The following UNC79 variants were observed in gnomAD, a reference collection of about 807,000 sequenced individuals.
The protein encoded by UNC79 is unc-79 subunit of NALCN channel complex.
Under a neutral mutation model 283.1 loss-of-function variants are expected in UNC79, and 37 were observed. The ratio of observed to expected loss-of-function variants is 0.13; its 90% CI spans 0.10 to 0.17. UNC79 has a LOEUF of 0.17. UNC79 is among the 10% of genes least tolerant of loss of function. The probability of loss-of-function intolerance (pLI) is 1.00; values close to 1 mark genes in which losing one functional copy is unlikely to be tolerated. For synonymous variants in UNC79, 1,107 were observed against 1,200.2 expected, an observed-to-expected ratio of 0.92 and a Z score of 1.61; for missense variants, 2,272 against 3,211.1, an observed-to-expected ratio of 0.71 and a Z score of 7.07.
intron 1 of UNC79, among the ~76,000 whole-genome samples, chr14:93,400,687 C>T (rs528734784): frequency 2.6e-5 from 4 of 152,062 alleles, no homozygotes; most frequent in South Asian, 2.1e-4. Context: ...CGGTGCATAT[C>T]GCTTTAGGGT....
chr14:93,547,407 A>G (rs1404921963), intron 14 of UNC79, among the ~76,000 whole-genome samples: 1 of 37,730 alleles, frequency 2.7e-5, no homozygotes, highest in Non-Finnish European at 6.3e-5. Flanking sequence ...CCTCTGGGAA[A>G]TTTCAGGTCA....
In UNC79 at chr14:93,586,864, C is replaced by A. The variant is rs534445781; in HGVS notation, c.2988C>A (p.His996Gln). ...GTTTATACATTGCCAGAAAAGATCACCCTCAATTTTTAGCCTACATTCAGG... is the reference window on the plus strand; with the variant it reads ...GTTTATACATTGCCAGAAAAGATCAACCTCAATTTTTAGCCTACATTCAGG... The change falls in exon 22 of 49, where the codon CAC becomes CAA. Residue 996 changes from histidine to glutamine, a missense_variant. His to Gln is a conservative substitution (Grantham distance 24). Transcript: ENST00000555664. 136 of 1,613,956 alleles carry A rather than the reference C, an allele frequency of 8.4e-5. 2 individuals carry two copies. The South Asian group carries it at 1.5e-3, about 17-fold the overall frequency.
At position 93,621,807 on chromosome 14, in the gene UNC79, G is replaced by A. The variant is rs2067160912; in HGVS notation, c.4574G>A (p.Arg1525Gln). ...CATCGTAGGAAGTCGTGCATAGATC[G>A]GTGTGACATAGAGAAGCCTCCGACC... Residue 1525 changes from arginine (R) to glutamine (Q), a missense_variant, in exon 30 of 49, where the codon CGG becomes CAG. Arg to Gln is a conservative substitution (Grantham distance 43, BLOSUM62 1). Coordinates refer to ENST00000555664, the Ensembl canonical transcript of UNC79. This position sits in a 1 kb window ranked among gnomAD's most constrained non-coding sequence, Gnocchi z 4.8. 2 of 1,613,916 alleles carry A rather than the reference G, an allele frequency of 1.2e-6. No homozygotes were observed. The highest frequency in any genetic ancestry group is 1.7e-5 in the Admixed American group (1 of 59,996).
intron 5 of UNC79, among the ~76,000 whole-genome samples, chr14:93,489,632 C>T (rs2058625036): frequency 6.6e-6 from 1 of 152,342 alleles, no homozygotes; most frequent in East Asian, 1.9e-4. Flanking sequence ...CTTGATGCTC[C>T]ACCTTCCAGG....
rs775625813 is a variant in UNC79 at position 93,575,194 on chromosome 14, G to A, written c.2207G>A (p.Arg736Gln). The A allele has an allele frequency of 1.9e-6, 3 of 1,613,648 alleles. No homozygotes were observed. The highest frequency in any genetic ancestry group is 2.5e-6 in the Non-Finnish European group (3 of 1,179,902). ...GAACTGGCAGGGAACCTTGCATCTC[G>A]AAGGGTAATTATTGCCACATTTGTT... The change falls in exon 17 of 49, where the codon CGA becomes CAA. Residue 736 changes from arginine (R) to glutamine (Q), a missense_variant. This residue lies in a region of UNC79 where 356 missense variants were observed against 416.2 expected (regional missense o/e 0.86). Transcript: ENST00000555664.
chr14:93,351,748 G>A (rs2053983557), intron 1 of UNC79, among the ~76,000 whole-genome samples: 1 of 152,120 alleles, frequency 6.6e-6, no homozygotes, highest in Admixed American at 6.5e-5. Flanking sequence ...GTGGAAGCTG[G>A]CAGGTCAAAA....
At chr14:93,615,296 C>T (rs536571810) in intron 27 of UNC79, among the ~76,000 whole-genome samples, 3 of 152,156 alleles carry the variant, frequency 2.0e-5, no homozygotes, top group Non-Finnish European at 2.9e-5. Flanking sequence ...TGCGTGTAGT[C>T]GTCCTGTGCT....
chr14:93,357,676 CATAT>C (rs60284787), intron 1 of UNC79, among the ~76,000 whole-genome samples: 2,446 of 32,100 alleles, frequency 0.076, 80 homozygotes, highest in Admixed American at 0.11. Context: ...AATAAACTCC[CATAT>C]ATATATATAT....
Position 93,571,445 on chromosome 14 carries a change from C to T in UNC79, c.1756-449C>T, listed in dbSNP as rs75088329. 8.1e-3 allele frequency among the ~76,000 whole-genome samples: 1,239 copies of T among 152,202 alleles called. 10 individuals are homozygous for T. Among genetic ancestry groups the T allele is most frequent in the Non-Finnish European group, 0.012 (783 of 68,028 alleles). Reference sequence around the variant, plus strand: ...GGGTAAAAAGAGCACTGTGTACTACCGTATTTCCTGTAATGAAAAATCTGC... The same window carrying T: ...GGGTAAAAAGAGCACTGTGTACTACTGTATTTCCTGTAATGAAAAATCTGC... On this transcript the variant is annotated intron_variant, in intron 14 of 48. Transcript: ENST00000555664.
chr14:93,431,719 AG>A (rs1243330282), intron 1 of UNC79, among the ~76,000 whole-genome samples: 1 of 152,226 alleles, frequency 6.6e-6, no homozygotes, highest in African/African-American at 2.4e-5. Flanking sequence ...CTTCCTTTGT[AG>A]GGCAGCCCAT....
At chr14:93,685,430 G>A (rs1434916549) in intron 42 of UNC79, among the ~76,000 whole-genome samples, 1 of 152,164 alleles carries the variant, frequency 6.6e-6, no homozygotes, top group Non-Finnish European at 1.5e-5. Flanking sequence ...TCCTTCACTT[G>A]ATTTAAATTA....
intron 29 of UNC79, 66 bp downstream of exon 30, chr14:93,618,420 T>C: frequency 7.0e-7 from 1 of 1,435,392 alleles, no homozygotes. Flanking sequence ...CAATGTTTTC[T>C]TAGGAGATAG....
At chr14:93,695,664 G>A (rs546676667) in intron 47 of UNC79, among the ~76,000 whole-genome samples, 7 of 151,858 alleles carry the variant, frequency 4.6e-5, no homozygotes, top group African/African-American at 1.7e-4. Context: ...GGCTGAGGTG[G>A]GCAGATCACT....
At chr14:93,464,183 C>T (rs562726756) in intron 1 of UNC79, among the ~76,000 whole-genome samples, 1 of 152,228 alleles carries the variant, frequency 6.6e-6, no homozygotes, top group South Asian at 2.1e-4. Context: ...AAGATTTCCT[C>T]TATGATGGTG....
At chr14:93,508,745 G>T (rs1441624050) in intron 7 of UNC79, among the ~76,000 whole-genome samples, 1 of 152,096 alleles carries the variant, frequency 6.6e-6, no homozygotes, top group African/African-American at 2.4e-5. Context: ...TCATGAGTTT[G>T]CTAAATTCAA....
At chr14:93,596,151 A>T (rs2065065027) in intron 23 of UNC79, among the ~76,000 whole-genome samples, 1 of 152,254 alleles carries the variant, frequency 6.6e-6, no homozygotes, top group Non-Finnish European at 1.5e-5. Flanking sequence ...TATGTCATAT[A>T]ATGAGCACAT....
At chr14:93,588,568 G>A (rs376801646) in intron 22 of UNC79, among the ~76,000 whole-genome samples, 53 of 151,800 alleles carry the variant, frequency 3.5e-4, no homozygotes, top group African/African-American at 1.1e-3. Context: ...GTGAAACCCT[G>A]TCTTTACTAA....
chr14:93,580,305 A>G lies in UNC79; in HGVS notation c.2590A>G (p.Ser864Gly), dbSNP rs542308809. 63 of 1,614,252 alleles carry G rather than the reference A, an allele frequency of 3.9e-5. 1 individual carries two copies. In the South Asian group the frequency reaches 6.3e-4, roughly 16 times the overall value. The change falls in exon 19 of 49, where the codon AGT (serine) becomes GGT (glycine). Residue 864 changes from serine to glycine, a missense_variant. Ser to Gly is a moderately conservative substitution (Grantham distance 56). Transcript: ENST00000555664. ...AATCGAGTGCAACTTATGTCAGTCTAGTATCCTCTGCTATCAGCTTGCTTG... is the reference window on the plus strand; with the variant it reads ...AATCGAGTGCAACTTATGTCAGTCTGGTATCCTCTGCTATCAGCTTGCTTG...
At chr14:93,344,691 A>C (rs943785998) in intron 1 of UNC79, among the ~76,000 whole-genome samples, 1 of 152,254 alleles carries the variant, frequency 6.6e-6, no homozygotes, top group Non-Finnish European at 1.5e-5. Flanking sequence ...TGTTGCACTA[A>C]ATCATTTCTT....
Sources: allele counts gnomAD v4.1 joint callset (sites outside exome capture counted in the v4.1 genomes callset), GRCh38; gene constraint gnomAD v4.1.1; regional missense constraint gnomAD v4.1.1; non-coding constraint Gnocchi (gnomAD v3.1); transcripts MANE v1.5; gene names NCBI Gene and HGNC (gene_info 2026-07-23, HGNC 2026-07-21).